Variants in ADCY8 observed in about 807,000 individuals in gnomAD.
ADCY8 encodes adenylate cyclase type 8.
In ADCY8, 51 loss-of-function variants were observed where a neutral mutation model predicts 119.7. The ratio of observed to expected loss-of-function variants is 0.43; its 90% CI spans 0.34 to 0.54. The LOEUF (loss-of-function observed/expected upper bound fraction) is 0.54, where lower values mean the gene tolerates loss of function less well. ADCY8 is among the 20% of genes least tolerant of loss of function. The pLI is 0.03. For synonymous variants in ADCY8, 665 were observed against 651.0 expected (o/e 1.02, Z -0.33); for missense variants, 1,383 against 1,598.8 (o/e 0.87, Z 2.30).
chr8:130,911,694 CATT>C (rs1354448823), intron 5 of ADCY8, among the ~76,000 whole-genome samples: 3 of 150,096 alleles, frequency 2.0e-5, no homozygotes, highest in Admixed American at 2.0e-4. Flanking sequence ...TTTATTTTCT[CATT>C]ATCCTTTAAA....
chr8:131,029,532 G>A (rs142879347), intron 1 of ADCY8, among the ~76,000 whole-genome samples: 2 of 152,114 alleles, frequency 1.3e-5, no homozygotes, highest in African/African-American at 4.8e-5. Context: ...TGATGTATTT[G>A]CTAGCAATTG....
In ADCY8 at chr8:130,836,437, T is replaced by G. The variant is rs1816989670; in HGVS notation, c.2515A>C (p.Thr839Pro). 1 of 1,613,372 alleles carries G rather than the reference T, an allele frequency of 6.2e-7. No homozygotes were observed. The highest frequency in any genetic ancestry group is 8.5e-7 in the Non-Finnish European group (1 of 1,179,702). The change falls in exon 12 of 18, where the codon ACG becomes CCG. Residue 839 changes from threonine to proline, a missense_variant. Thr to Pro is a conservative substitution (Grantham distance 38, BLOSUM62 -1). Around this residue, in one of 2 missense-constraint regions of ADCY8, gnomAD observed 928 missense variants for 1,163.5 expected, o/e 0.80. Transcript: ENST00000286355. ...ICSYPEYFVF[T>P]GVLAMVTCAV... ...CAGGTCACCATGGCCAACACCCCCG[T>G]GAAGACAAAGTACTGGAAACAGAGA...
chr8:130,901,920 C>T (rs1238043235), intron 7 of ADCY8, among the ~76,000 whole-genome samples: 1 of 152,086 alleles, frequency 6.6e-6, no homozygotes, highest in Non-Finnish European at 1.5e-5. Flanking sequence ...TATTTGGTGA[C>T]ATCAGGAAAT....
intron 4 of ADCY8, among the ~76,000 whole-genome samples, chr8:130,939,281 A>T (rs1820888579): frequency 6.6e-6 from 1 of 152,220 alleles, no homozygotes. Flanking sequence ...TAACATTATG[A>T]AAACTCACTA....
chr8:130,849,125 G>A (rs1356412051), intron 10 of ADCY8, among the ~76,000 whole-genome samples: 4 of 152,074 alleles, frequency 2.6e-5, no homozygotes, highest in Non-Finnish European at 4.4e-5. Context: ...GTGGGTCATG[G>A]AGTCAGACAG....
At chr8:130,871,082 T>G (rs1184320421) in intron 8 of ADCY8, among the ~76,000 whole-genome samples, 1 of 152,186 alleles carries the variant, frequency 6.6e-6, no homozygotes, top group East Asian at 1.9e-4. Context: ...TGTGGTGCAT[T>G]GTTACTCTGG....
At chr8:130,795,249 G>A (rs1815543380) in intron 15 of ADCY8, among the ~76,000 whole-genome samples, 1 of 152,204 alleles carries the variant, frequency 6.6e-6, no homozygotes, top group Non-Finnish European at 1.5e-5. Context: ...AATCAGCAGA[G>A]CCTCCATGCG....
intron 1 of ADCY8, among the ~76,000 whole-genome samples, chr8:131,027,268 G>A (rs1002122087): frequency 6.6e-6 from 1 of 152,194 alleles, no homozygotes; most frequent in Non-Finnish European, 1.5e-5. Flanking sequence ...CCCGGAGAAG[G>A]GGTACAGAAG....
intron 13 of ADCY8, among the ~76,000 whole-genome samples, chr8:130,820,072 G>A (rs551698577): frequency 5.3e-5 from 8 of 152,308 alleles, no homozygotes; most frequent in African/African-American, 1.9e-4. Flanking sequence ...ATTCCAGGTT[G>A]TTGATAGGAT....
chr8:130,981,587 G>T (rs1281923507), intron 2 of ADCY8, among the ~76,000 whole-genome samples: 1 of 152,166 alleles, frequency 6.6e-6, no homozygotes, highest in Admixed American at 6.5e-5. Context: ...TGGATCAAAG[G>T]TGTTGAGGTC....
At chr8:130,966,277 T>G (rs1821758583) in intron 2 of ADCY8, among the ~76,000 whole-genome samples, 1 of 152,186 alleles carries the variant, frequency 6.6e-6, no homozygotes, top group Non-Finnish European at 1.5e-5. Flanking sequence ...TCTATGCATT[T>G]GGAGGAAACT....
chr8:130,851,792 T>C (rs1161608109), intron 9 of ADCY8, among the ~76,000 whole-genome samples: 1 of 152,170 alleles, frequency 6.6e-6, no homozygotes, highest in Non-Finnish European at 1.5e-5. Flanking sequence ...TTGTAACTGG[T>C]AAATGCAGGA....
chr8:130,997,823 T>C (rs766862405), intron 1 of ADCY8, among the ~76,000 whole-genome samples: 14 of 152,180 alleles, frequency 9.2e-5, no homozygotes, highest in Non-Finnish European at 1.3e-4. Flanking sequence ...TCAGATTGGT[T>C]GTGCTTTGTA....
At chr8:130,815,712 C>G (rs1021135926) in intron 13 of ADCY8, among the ~76,000 whole-genome samples, 16 of 152,216 alleles carry the variant, frequency 1.1e-4, no homozygotes, top group African/African-American at 3.4e-4. Context: ...GATTTAGTTG[C>G]TAGACAGATA....
intron 15 of ADCY8, among the ~76,000 whole-genome samples, chr8:130,786,684 C>A (rs1477178051): frequency 6.6e-6 from 1 of 152,166 alleles, no homozygotes; most frequent in African/African-American, 2.4e-5. Context: ...TCTACCAACC[C>A]AAGTAGGGAG....
intron 1 of ADCY8, among the ~76,000 whole-genome samples, chr8:130,995,979 TAAGTTCTA>T (rs1374181231): frequency 1.3e-5 from 2 of 152,142 alleles, no homozygotes; most frequent in Admixed American, 6.5e-5. Flanking sequence ...CAGCACTTAA[TAAGTTCTA>T]GATATTTGAT....
At chr8:130,995,982 G>A (rs1822761068) in intron 1 of ADCY8, among the ~76,000 whole-genome samples, 1 of 152,008 alleles carries the variant, frequency 6.6e-6, no homozygotes, top group East Asian at 1.9e-4. Context: ...CACTTAATAA[G>A]TTCTAGATAT....
At chr8:130,848,620 CACACTTGGGG>C (rs1323091943) in intron 10 of ADCY8, among the ~76,000 whole-genome samples, 1 of 152,164 alleles carries the variant, frequency 6.6e-6, no homozygotes, top group African/African-American at 2.4e-5. Flanking sequence ...TGGGTCCCTG[CACACTTGGGG>C]ACCCTCCCTC....
At chr8:130,904,150 A>C in intron 6 of ADCY8, 108 bp from the exon 7 acceptor site, 1 of 1,123,978 alleles carries the variant, frequency 8.9e-7, no homozygotes. Context: ...GGGTATTATT[A>C]GGACATGTCC....
Sources: gnomAD v4.1 joint callset for allele counts (sites outside exome capture counted in the v4.1 genomes callset) on GRCh38, gnomAD v4.1.1 for gene constraint, gnomAD v4.1.1 regional missense constraint, MANE v1.5 for transcripts, NCBI Gene and HGNC (gene_info 2026-07-23, HGNC 2026-07-21) for gene names.